The following SEL1L variants were observed in gnomAD, a reference collection of about 807,000 sequenced individuals.
SEL1L encodes the protein SEL1L adaptor subunit of SYVN1 ubiquitin ligase.
A neutral mutation model predicts 109.8 loss-of-function variants in SEL1L; 52 were observed. The ratio of observed to expected loss-of-function variants is 0.47; its 90% CI spans 0.38 to 0.60. The LOEUF (loss-of-function observed/expected upper bound fraction) is 0.60, where lower values mean the gene tolerates loss of function less well. Among genes scored for constraint, SEL1L ranks in the 20% least tolerant of loss-of-function variants. SEL1L has a pLI of 0.00. For synonymous variants in SEL1L, 373 were observed against 339.6 expected, an observed-to-expected ratio of 1.10 and a Z score of -1.08; for missense variants, 749 against 962.2, an observed-to-expected ratio of 0.78 and a Z score of 2.93.
rs1883924682 is a variant in SEL1L, at chr14:81,499,745, CTA to C, written c.778-85_778-84del. ...ACACAGACAGACACAGTTTTATATA[CTA>C]TGAAAAAATGCAAGAGTCTTTAAAT... On this transcript the variant is annotated intron_variant, in intron 6 of 20. Transcript: ENST00000336735. 56 of 1,077,590 alleles carry C rather than the reference CTA, an allele frequency of 5.2e-5. No individual in the cohort carries two copies. In the South Asian group the frequency reaches 8.7e-4, roughly 17 times the overall value. The allele number at this position is 1,077,590 out of a possible 1,614,324, so 66.8% of individuals were successfully genotyped here.
At chr14:81,509,034 T>C (rs1884355873) in intron 3 of SEL1L, among the ~76,000 whole-genome samples, 1 of 152,198 alleles carries the variant, frequency 6.6e-6, no homozygotes, top group Non-Finnish European at 1.5e-5. Context: ...TAGTCAAAAC[T>C]GCAACCTGTC....
chr14:81,524,350 G>C (rs1414322415), intron 3 of SEL1L, among the ~76,000 whole-genome samples: 1 of 152,080 alleles, frequency 6.6e-6, no homozygotes, highest in African/African-American at 2.4e-5. Flanking sequence ...TCAATGTAAA[G>C]CAACAGAAAG....
rs182143367 is a variant in SEL1L, at chr14:81,498,506, C to T, written c.892-12G>A. ...CAGTATCTGTAACCCTGTAAAACAACTTCACGTGAGGAGGCAGCAGTTTCA... is the reference window on the plus strand; with the variant it reads ...CAGTATCTGTAACCCTGTAAAACAATTTCACGTGAGGAGGCAGCAGTTTCA... On this transcript the variant is annotated splice_polypyrimidine_tract_variant and intron_variant, in intron 8 of 20. Transcript: ENST00000336735. 2,328 of 1,608,394 alleles carry T rather than the reference C, an allele frequency of 1.4e-3. 15 individuals are homozygous for T. Among genetic ancestry groups the T allele is most frequent in the Non-Finnish European group, 7.5e-4 (881 of 1,175,760 alleles).
Position 81,471,932 on chromosome 14 carries a change from C to G in SEL1L, c.*5040G>C, listed in dbSNP as rs972437761. The stretch of plus-strand genomic sequence containing the variant: ...TTTTTCTTATTCGTAAAAAAATACC[C>G]AAAAAGTAAAAACTTTCCTTTTTAT... On this transcript the variant is annotated 3_prime_UTR_variant, in exon 21 of 21. Coordinates refer to ENST00000336735, the MANE Select transcript of SEL1L (RefSeq NM_005065.6). 1 of 152,156 alleles carries G rather than the reference C, an allele frequency of 6.6e-6. No individual in the cohort carries two copies. Among genetic ancestry groups the G allele is most frequent in the Admixed American group, 6.5e-5 (1 of 15,276 alleles). 9.4% of individuals were successfully genotyped at this position (152,156 alleles called of 1,614,324 possible).
chr14:81,489,172 C>T, intron 14 of SEL1L, 80 bp downstream of exon 14: 3 of 1,285,134 alleles, frequency 2.3e-6, no homozygotes, highest in Non-Finnish European at 2.3e-6. Flanking sequence ...CCTGGGCTGA[C>T]TGGAAGCTAA....
At chr14:81,493,330 T>G (rs2140002638) in intron 11 of SEL1L, among the ~76,000 whole-genome samples, 1 of 152,122 alleles carries the variant, frequency 6.6e-6, no homozygotes, top group African/African-American at 2.4e-5. Flanking sequence ...GCCAATATAG[T>G]GAAACTCCGT....
At position 81,484,342 on chromosome 14, in the gene SEL1L, G is replaced by A. The variant is rs781498210; in HGVS notation, c.1929C>T (p.Thr643=). 23 of 1,613,838 alleles carry A rather than the reference G, an allele frequency of 1.4e-5. No homozygotes were observed. The highest frequency in any genetic ancestry group is 3.3e-4 in the Middle Eastern group (2 of 6,084). ...LGDYHFYGFG[T]DVDYETAFIH... The stretch of plus-strand genomic sequence containing the variant: ...TAAATGCAGTTTCATAATCTACATC[G>A]GTGCCAAACCCATAGAAATGGTAGT... The change falls in exon 19 of 21, where the codon ACC becomes ACT. Residue 643 remains threonine (T), a synonymous_variant. Transcript: ENST00000336735.
chr14:81,487,582 T>C (rs1903560406), intron 15 of SEL1L, 44 bp from the exon 16 acceptor site: 1 of 1,578,184 alleles, frequency 6.3e-7, no homozygotes, highest in Non-Finnish European at 8.5e-7. Context: ...GACTTAAGAT[T>C]TAGCTAAGTA....
intron 3 of SEL1L, among the ~76,000 whole-genome samples, chr14:81,521,973 T>C (rs191394167): frequency 2.0e-4 from 31 of 152,226 alleles, no homozygotes; most frequent in Admixed American, 1.5e-3. Context: ...AGGCGTAGGC[T>C]AATGTGTATG....
Position 81,498,401 on chromosome 14 carries a change from A to G in SEL1L, c.973+12T>C. The G allele has an allele frequency of 6.2e-7, 1 of 1,601,172 alleles. No individual in the cohort carries two copies. Among genetic ancestry groups the G allele is most frequent in the Non-Finnish European group, 8.5e-7 (1 of 1,172,062 alleles). On this transcript the variant is annotated intron_variant, in intron 9 of 20. Transcript: ENST00000336735. ...TTTTTTTCCTAAAAGGTAAAAGGGGAAACATAGATACCATGATTGGCAACA... is the reference window on the plus strand; with the variant it reads ...TTTTTTTCCTAAAAGGTAAAAGGGGGAACATAGATACCATGATTGGCAACA...
intron 12 of SEL1L, 143 bp downstream of exon 12, chr14:81,492,337 C>G (rs920205183): frequency 2.3e-5 from 16 of 684,368 alleles, no homozygotes; most frequent in Non-Finnish European, 3.5e-5. Context: ...TGCCTCAGAA[C>G]AGCACTTTAA....
At chr14:81,490,634 C>T (rs1883504331) in intron 12 of SEL1L, among the ~76,000 whole-genome samples, 169 bp from the exon 13 acceptor site, 1 of 152,236 alleles carries the variant, frequency 6.6e-6, no homozygotes. Flanking sequence ...GGTACAGTGG[C>T]TCATGCCTGT....
At chr14:81,532,193 A>T (rs147522133) in intron 1 of SEL1L, among the ~76,000 whole-genome samples, 215 of 152,206 alleles carry the variant, frequency 1.4e-3, no homozygotes, top group African/African-American at 4.2e-3. Flanking sequence ...TTTTCTTTAA[A>T]CTCTGCCAAT....
At chr14:81,524,279 C>G (rs1021005601) in intron 3 of SEL1L, among the ~76,000 whole-genome samples, 2 of 152,168 alleles carry the variant, frequency 1.3e-5, no homozygotes, top group East Asian at 3.9e-4. Context: ...GTGATACCAC[C>G]TGACCTCGCT....
chr14:81,497,992 G>A lies in SEL1L; in HGVS notation c.1028C>T (p.Pro343Leu). 6.2e-7 allele frequency: 1 copy of A among 1,613,954 alleles called. No individual in the cohort carries two copies. ...GGSVVQRIRL[P>L]DEVENPGMNS... ...CATTCCTGGATTTTCCACTTCATCAGGCAGCCGTATTCTCTGTACTACTGA... is the reference window on the plus strand; with the variant it reads ...CATTCCTGGATTTTCCACTTCATCAAGCAGCCGTATTCTCTGTACTACTGA... The change falls in exon 10 of 21, where the codon CCT becomes CTT. Residue 343 changes from proline to leucine, a missense_variant. Coordinates refer to ENST00000336735, the MANE Select transcript of SEL1L (RefSeq NM_005065.6).
Position 81,479,631 on chromosome 14 carries a change from T to A in SEL1L, c.2156A>T (p.Gln719Leu), listed in dbSNP as rs755046647. 99 of 1,612,990 alleles carry A rather than the reference T, an allele frequency of 6.1e-5. No individual in the cohort carries two copies. The highest frequency in any genetic ancestry group is 8.4e-5 in the Non-Finnish European group (99 of 1,179,646). ...ACTTACGTTTGTTTCCCGTATGTAC[T>A]GCAAGAAATAGACGACGCCCAATTT... ...LCKLGVVYFL[Q>L]YIRETNIRDM... The change falls in exon 20 of 21, where the codon CAG (glutamine) becomes CTG (leucine). Residue 719 changes from glutamine (Q) to leucine (L), a missense_variant. Coordinates refer to ENST00000336735, the MANE Select transcript of SEL1L (RefSeq NM_005065.6).
intron 4 of SEL1L, among the ~76,000 whole-genome samples, chr14:81,504,885 G>A (rs1445610894): frequency 6.6e-6 from 1 of 152,010 alleles, no homozygotes; most frequent in Non-Finnish European, 1.5e-5. Flanking sequence ...CATATGAGAC[G>A]GCTGCATCTC....
intron 3 of SEL1L, among the ~76,000 whole-genome samples, chr14:81,511,891 A>G (rs565804901): frequency 6.6e-6 from 1 of 152,362 alleles, no homozygotes; most frequent in African/African-American, 2.4e-5. Context: ...AAACAGTAAG[A>G]AAGTATACAA....
chr14:81,515,732 T>C (rs188476150), intron 3 of SEL1L, among the ~76,000 whole-genome samples: 228 of 152,320 alleles, frequency 1.5e-3, no homozygotes, highest in African/African-American at 3.6e-3. Flanking sequence ...TGAGGGTCAA[T>C]TGATTCTAAA....
Sources: allele counts gnomAD v4.1 joint callset (sites outside exome capture counted in the v4.1 genomes callset), GRCh38; gene constraint gnomAD v4.1.1; transcripts MANE v1.5; gene names NCBI Gene and HGNC (gene_info 2026-07-23, HGNC 2026-07-21).